Variants in CYP4F3 observed in about 807,000 individuals in gnomAD.
CYP4F3 encodes cytochrome P450 family 4 subfamily F member 3, also known as cytochrome P450 4F3.
In CYP4F3, 50 loss-of-function variants were observed where a neutral mutation model predicts 54.8. The observed-to-expected ratio is 0.91, with a 90% CI of 0.73 to 1.16. The LOEUF (loss-of-function observed/expected upper bound fraction) is 1.16, where lower values mean the gene tolerates loss of function less well. Ranked by LOEUF, CYP4F3 falls within the 50% of genes most tolerant of loss-of-function variation. The pLI is 0.00. For synonymous variants in CYP4F3, 244 were observed against 262.6 expected, an observed-to-expected ratio of 0.93 and a Z score of 0.69; for missense variants, 715 against 676.2, an observed-to-expected ratio of 1.06 and a Z score of -0.64.
intron 11 of CYP4F3, 69 bp from the exon 12 acceptor site, chr19:15,658,658 A>T: frequency 6.2e-7 from 1 of 1,609,384 alleles, no homozygotes; most frequent in Non-Finnish European, 8.5e-7. Context: ...CAAGACACAC[A>T]CCACTGTCTC....
chr19:15,658,876 G>T, intron 12 of CYP4F3, 67 bp downstream of exon 12: 1 of 1,561,666 alleles, frequency 6.4e-7, no homozygotes, highest in Non-Finnish European at 8.7e-7. Flanking sequence ...ATGACAGTGG[G>T]GAAAAGGGGG....
At position 15,657,424 on chromosome 19, in the gene CYP4F3, G is replaced by T. The variant is rs1973055886; in HGVS notation, c.1116-840G>T. ...CAATTCTGCCTCAGCCTCCTGAGTA[G>T]CTGGGATTACAGGTGCCCCCCCACC... On this transcript the variant is annotated intron_variant, in intron 9 of 12. Transcript: ENST00000221307. Among the ~76,000 whole-genome samples the T allele has an allele frequency of 1.3e-5, 2 of 152,154 alleles. 1 individual carries two copies. The highest frequency in any genetic ancestry group is 4.1e-4 in the South Asian group (2 of 4,832).
intron 9 of CYP4F3, among the ~76,000 whole-genome samples, chr19:15,654,267 T>G (rs1972955852): frequency 6.6e-6 from 1 of 152,268 alleles, no homozygotes; most frequent in Non-Finnish European, 1.5e-5. Context: ...GCATAATAGA[T>G]GCACATAGTT....
At chr19:15,642,004 G>C (rs1281965397) in intron 2 of CYP4F3, among the ~76,000 whole-genome samples, 1 of 152,060 alleles carries the variant, frequency 6.6e-6, no homozygotes, top group Non-Finnish European at 1.5e-5. Flanking sequence ...CTCTTATGAG[G>C]GTATAGGTGG....
At chr19:15,645,960 AT>A in intron 3 of CYP4F3, 97 bp downstream of exon 3, 1 of 1,427,750 alleles carries the variant, frequency 7.0e-7, no homozygotes, top group Non-Finnish European at 9.3e-7. Context: ...TCGCGTGCCC[AT>A]GTGCAGACAG....
In CYP4F3 at chr19:15,647,241, C is replaced by A. The variant is rs149124841; in HGVS notation, c.442C>A (p.Arg148Ser). ...LSAGEKWSRH[R>S]RMLTPAFHFN... Reference sequence around the variant, plus strand: ...TGCTGGTGAAAAGTGGAGCCGCCACCGTCGGATGCTGACGCCTGCCTTCCA... The same window carrying A: ...TGCTGGTGAAAAGTGGAGCCGCCACAGTCGGATGCTGACGCCTGCCTTCCA... The change falls in exon 5 of 13, where the codon CGT becomes AGT. Residue 148 changes from arginine (R) to serine (S), a missense_variant. Physicochemically the swap from Arg to Ser is moderately radical, Grantham distance 110 (BLOSUM62 -1). Coordinates refer to ENST00000221307, the MANE Select transcript of CYP4F3 (RefSeq NM_000896.3). 5.2e-5 allele frequency: 84 copies of A among 1,614,118 alleles called. No individual in the cohort carries two copies. The highest frequency in any genetic ancestry group is 7.0e-5 in the Non-Finnish European group (83 of 1,180,048).
At chr19:15,644,034 C>G (rs758474964) in intron 2 of CYP4F3, 29 of 1,593,204 alleles carry the variant, frequency 1.8e-5, no homozygotes, top group Non-Finnish European at 2.4e-5. Flanking sequence ...ATCATCCGGT[C>G]TGTCATCAAC....
At chr19:15,641,197 A>T (rs1389658764) in intron 1 of CYP4F3, 12 of 572,598 alleles carry the variant, frequency 2.1e-5, no homozygotes, top group Non-Finnish European at 3.4e-5. Flanking sequence ...TGTCTTTCTC[A>T]ATCTAAGTGC....
At chr19:15,658,915 T>G in intron 12 of CYP4F3, 106 bp downstream of exon 12, 2 of 1,443,734 alleles carry the variant, frequency 1.4e-6, no homozygotes, top group Non-Finnish European at 1.9e-6. Context: ...GTTCCAGCTC[T>G]CCTTCCCTCA....
rs1972906692 is a variant in CYP4F3, at chr19:15,653,010, G to C, written c.1115+58G>C. The C allele has an allele frequency of 6.5e-6, 10 of 1,540,554 alleles. No homozygotes were observed. The South Asian group carries it at 1.1e-4, about 17-fold the overall frequency. ...CCTGTCTCATTGGCTCTGTTCCCCA[G>C]GTAGGGAGGGGAGAAGGGGTTGTTT... On this transcript the variant is annotated intron_variant, in intron 9 of 12. Transcript: ENST00000221307.
chr19:15,647,077 C>A lies in CYP4F3; in HGVS notation c.369C>A (p.Val123=). 2 of 1,614,216 alleles carry A rather than the reference C, an allele frequency of 1.2e-6. No homozygotes were observed. Reference sequence around the variant, plus strand: ...CTGCCATTGTACCAAAGGACAAGGTCTTCTACAGCTTCCTGAAGCCCTGGC... The same window carrying A: ...CTGCCATTGTACCAAAGGACAAGGTATTCTACAGCTTCCTGAAGCCCTGGC... The part of the protein sequence containing the change: ...APAAIVPKDK[V]FYSFLKPWLG... Residue 123 remains valine, a synonymous_variant, in exon 4 of 13, where the codon GTC becomes GTA. Transcript: ENST00000221307.
chr19:15,641,575 C>A lies in CYP4F3; in HGVS notation c.160C>A (p.Pro54Thr). 2 of 1,614,120 alleles carry A rather than the reference C, an allele frequency of 1.2e-6. No homozygotes were observed. The highest frequency in any genetic ancestry group is 2.2e-5 in the South Asian group (2 of 91,086). The part of the protein sequence containing the change: ...NCCRLRCFPQ[P>T]PKRNWFLGHL... ...CTGCCGCCTCCGGTGTTTCCCGCAACCCCCGAAACGGAATTGGTTCTTGGG... is the reference window on the plus strand; with the variant it reads ...CTGCCGCCTCCGGTGTTTCCCGCAAACCCCGAAACGGAATTGGTTCTTGGG... Residue 54 changes from proline (P) to threonine (T), a missense_variant, in exon 2 of 13, where the codon CCC becomes ACC. Coordinates refer to ENST00000221307, the MANE Select transcript of CYP4F3 (RefSeq NM_000896.3).
In CYP4F3 at chr19:15,658,359, A is replaced by G. The variant is rs1176590964; in HGVS notation, c.1211A>G (p.Gln404Arg). The G allele has an allele frequency of 2.5e-6, 4 of 1,613,922 alleles. No individual in the cohort carries two copies. Among genetic ancestry groups the G allele is most frequent in the Non-Finnish European group, 3.4e-6 (4 of 1,180,014 alleles). Residue 404 changes from glutamine to arginine, a missense_variant, in exon 10 of 13, where the codon CAA becomes CGA. Transcript: ENST00000221307. Reference sequence around the variant, plus strand: ...CCTGCCGTCTCTCGCTGCTGCACCCAAGACATTGTGCTCCCAGACGGCCGG... The same window carrying G: ...CCTGCCGTCTCTCGCTGCTGCACCCGAGACATTGTGCTCCCAGACGGCCGG... ...PVPAVSRCCT[Q>R]DIVLPDGRVI...
chr19:15,650,574 C>G (rs1020132138), intron 7 of CYP4F3, among the ~76,000 whole-genome samples: 3 of 152,122 alleles, frequency 2.0e-5, no homozygotes, highest in East Asian at 1.9e-4. Flanking sequence ...TTTTCATTGG[C>G]CATATCTGTA....
At chr19:15,653,521 T>G (rs570579947) in intron 9 of CYP4F3, among the ~76,000 whole-genome samples, 3 of 152,116 alleles carry the variant, frequency 2.0e-5, no homozygotes, top group Non-Finnish European at 2.9e-5. Flanking sequence ...TTCCAGGTGC[T>G]CCCAGCCTGG....
At chr19:15,649,345 G>A in intron 6 of CYP4F3, 64 bp downstream of exon 6, 1 of 1,608,112 alleles carries the variant, frequency 6.2e-7, no homozygotes. Context: ...GTGGGGGGCT[G>A]GGGAGGACTG....
At chr19:15,646,801 G>A (rs1972637396) in intron 3 of CYP4F3, among the ~76,000 whole-genome samples, 2 of 152,162 alleles carry the variant, frequency 1.3e-5, no homozygotes, top group Admixed American at 6.5e-5. Flanking sequence ...GCATGTCAAG[G>A]CATGCTGGAG....
chr19:15,654,085 G>GCCA (rs1205090227), intron 9 of CYP4F3, among the ~76,000 whole-genome samples: 1 of 152,148 alleles, frequency 6.6e-6, no homozygotes, highest in Non-Finnish European at 1.5e-5. Context: ...GCCAGGCCAG[G>GCCA]GGCTGGAGGA....
At chr19:15,649,737 G>A (rs552106664) in intron 6 of CYP4F3, among the ~76,000 whole-genome samples, 176 bp from the exon 7 acceptor site, 97 of 152,240 alleles carry the variant, frequency 6.4e-4, no homozygotes, top group Non-Finnish European at 1.2e-3. Flanking sequence ...TGCAGGGAGA[G>A]ATAAGAGAGC....
Sources: allele counts gnomAD v4.1 joint callset (sites outside exome capture counted in the v4.1 genomes callset), GRCh38; gene constraint gnomAD v4.1.1; transcripts MANE v1.5; gene names NCBI Gene and HGNC (gene_info 2026-07-23, HGNC 2026-07-21).